Variants in MAVS observed in about 807,000 individuals in gnomAD.
The protein encoded by MAVS is mitochondrial antiviral-signaling protein.
MAVS carries 20 observed loss-of-function variants against 30.2 expected under a neutral mutation model. That is an observed-to-expected ratio of 0.66 (90% confidence interval 0.47 to 0.96). The LOEUF (loss-of-function observed/expected upper bound fraction) is 0.96. Ranked by LOEUF, MAVS falls within the 40% of genes least tolerant of loss-of-function variation. The probability of loss-of-function intolerance (pLI) is 0.00; values close to 1 mark genes in which losing one functional copy is unlikely to be tolerated. For synonymous variants in MAVS, 278 were observed against 293.9 expected (o/e 0.95, Z 0.55); for missense variants, 624 against 701.1 (o/e 0.89, Z 1.24).
At position 3,865,918 on chromosome 20, in the gene MAVS, C is replaced by T; in HGVS notation, c.1394C>T (p.Thr465Ile). 1 of 1,613,900 alleles carries T rather than the reference C, an allele frequency of 6.2e-7. No homozygotes were observed. The highest frequency in any genetic ancestry group is 8.5e-7 in the Non-Finnish European group (1 of 1,179,928). The change falls in exon 7 of 7, where the codon ACC becomes ATC. Residue 465 changes from threonine to isoleucine, a missense_variant. Coordinates refer to ENST00000428216, the MANE Select transcript of MAVS (RefSeq NM_020746.5). The surrounding 1 kb of genome is among the most constrained non-coding windows in gnomAD (Gnocchi z 4.7). ...PEENEYKSEGTFGIHVAENPS... is the reference protein window; with the variant it reads ...PEENEYKSEGIFGIHVAENPS... ...GAGAATGAGTATAAGTCCGAGGGCA[C>T]CTTTGGGATCCACGTGGCTGAGAAC...
At chr20:3,850,583 C>A (rs1264730267) in intron 1 of MAVS, among the ~76,000 whole-genome samples, 12 of 130,392 alleles carry the variant, frequency 9.2e-5, no homozygotes, top group African/African-American at 2.6e-4. Flanking sequence ...AGAGTGAACT[C>A]CATTTCAAAA....
Position 3,871,964 on chromosome 20 carries a change from T to C in MAVS, c.*5817T>C, listed in dbSNP as rs902873340. The C allele has an allele frequency of 6.6e-6, 1 of 152,304 alleles. No individual in the cohort carries two copies. Among genetic ancestry groups the C allele is most frequent in the African/African-American group, 2.4e-5 (1 of 41,430 alleles). The allele number at this position is 152,304 out of a possible 1,614,324, so 9.4% of individuals were successfully genotyped here. A position where few individuals can be genotyped will look rare whatever the true frequency, so the allele number is the denominator to read the frequency against. ...CATATATTAAGTCATTTAATCCTCATAATGACCCTATGAAAGAGATACCAT... is the reference window on the plus strand; with the variant it reads ...CATATATTAAGTCATTTAATCCTCACAATGACCCTATGAAAGAGATACCAT... On this transcript the variant is annotated 3_prime_UTR_variant, in exon 7 of 7. Coordinates refer to ENST00000428216, the MANE Select transcript of MAVS (RefSeq NM_020746.5).
Position 3,863,544 on chromosome 20 carries a change from G to T in MAVS, c.626-712G>T, listed in dbSNP as rs552470672. Among the ~76,000 whole-genome samples the T allele has an allele frequency of 2.0e-5, 3 of 152,288 alleles. No individual in the cohort carries two copies. In the East Asian group the frequency reaches 5.8e-4, roughly 29 times the overall value. ...AGGTTTCAGTACGTTTGTAGACACAGGTCCCATGAGATTCTGTGGTATTAG... is the reference window on the plus strand; with the variant it reads ...AGGTTTCAGTACGTTTGTAGACACATGTCCCATGAGATTCTGTGGTATTAG... On this transcript the variant is annotated intron_variant, in intron 5 of 6. Coordinates refer to ENST00000428216, the MANE Select transcript of MAVS (RefSeq NM_020746.5).
Position 3,853,225 on chromosome 20 carries a change from G to T in MAVS, c.-67-1333G>T, listed in dbSNP as rs547579413. On this transcript the variant is annotated intron_variant, in intron 1 of 6. Coordinates refer to ENST00000428216, the MANE Select transcript of MAVS (RefSeq NM_020746.5). ...ATGGCGGCCGGGCGCGGTGGCTCACGCCTGTAATCCCAGCACTTTGGGAGG... is the reference window on the plus strand; with the variant it reads ...ATGGCGGCCGGGCGCGGTGGCTCACTCCTGTAATCCCAGCACTTTGGGAGG... Among the ~76,000 whole-genome samples, 25 of 149,174 alleles carry T rather than the reference G, an allele frequency of 1.7e-4. No individual in the cohort carries two copies. In the East Asian group the frequency reaches 4.7e-3, roughly 28 times the overall value.
rs2089893240 is a variant in MAVS, at chr20:3,864,724, C to G, written c.1094C>G (p.Thr365Ser). The stretch of plus-strand genomic sequence containing the variant: ...GGCATGGTGCCATCCAAAGTGCCTA[C>G]TAGCATGGTGCTCACCAAGGTGTCT... ...RAGMVPSKVP[T>S]SMVLTKVSAS... The change falls in exon 6 of 7, where the codon ACT becomes AGT. Residue 365 changes from threonine (T) to serine (S), a missense_variant. Transcript: ENST00000428216. 6.2e-7 allele frequency: 1 copy of G among 1,614,270 alleles called. No homozygotes were observed. Among genetic ancestry groups the G allele is most frequent in the Admixed American group, 1.7e-5 (1 of 60,034 alleles).
intron 1 of MAVS, among the ~76,000 whole-genome samples, chr20:3,849,077 C>T (rs1209410002): frequency 1.3e-5 from 2 of 152,154 alleles, no homozygotes; most frequent in African/African-American, 4.8e-5. Flanking sequence ...CTTTCCCTGC[C>T]GGAACCTTCC....
intron 3 of MAVS, chr20:3,858,017 G>C (rs887413280): frequency 3.2e-6 from 2 of 615,562 alleles, no homozygotes; most frequent in Non-Finnish European, 2.9e-6. Context: ...TGAGCCTCAG[G>C]CCTCTCTTCT....
chr20:3,854,524 A>T, intron 1 of MAVS, 34 bp from the exon 2 acceptor site: 1 of 718,902 alleles, frequency 1.4e-6, no homozygotes, highest in South Asian at 1.9e-5. Context: ...CAACCCCCCA[A>T]CCCTGTTGTA....
At chr20:3,856,989 T>C (rs2089816843) in intron 2 of MAVS, among the ~76,000 whole-genome samples, 1 of 145,480 alleles carries the variant, frequency 6.9e-6, no homozygotes, top group African/African-American at 2.6e-5. Context: ...TAAGCTGATA[T>C]CACGGCACTG....
rs908628783 is a variant in MAVS at position 3,874,412 on chromosome 20, C to T, written c.*8265C>T. The T allele has an allele frequency of 7.6e-6, 3 of 393,714 alleles. No individual in the cohort carries two copies. The highest frequency in any genetic ancestry group is 4.1e-5 in the African/African-American group (2 of 48,528). The allele number at this position is 393,714 out of a possible 1,614,324, so 24.4% of individuals were successfully genotyped here. Reference sequence around the variant, plus strand: ...ACCACCTAAACAAGAGCAGAGAGGCCATTTGGTCAAAGTTTGCAAAGGAGT... The same window carrying T: ...ACCACCTAAACAAGAGCAGAGAGGCTATTTGGTCAAAGTTTGCAAAGGAGT... On this transcript the variant is annotated 3_prime_UTR_variant, in exon 7 of 7. Coordinates refer to ENST00000428216, the MANE Select transcript of MAVS (RefSeq NM_020746.5).
At position 3,867,031 on chromosome 20, in the gene MAVS, A is replaced by T; in HGVS notation, c.*884A>T. On this transcript the variant is annotated 3_prime_UTR_variant, in exon 7 of 7. Coordinates refer to ENST00000428216, the MANE Select transcript of MAVS (RefSeq NM_020746.5). ...CTTCACTGGGTTCTTCTGAGATTGA[A>T]CCTACAGGTGTTTGCCAAGTGCCTG... 1 of 456,580 alleles carries T rather than the reference A, an allele frequency of 2.2e-6. No homozygotes were observed. Among genetic ancestry groups the T allele is most frequent in the Non-Finnish European group, 4.4e-6 (1 of 226,940 alleles). The allele number at this position is 456,580 out of a possible 1,614,324, so 28.3% of individuals were successfully genotyped here.
rs2089988107 is a variant in MAVS at position 3,875,936 on chromosome 20, C to T, written c.*9789C>T. The T allele has an allele frequency of 1.3e-5, 2 of 152,334 alleles. No homozygotes were observed. Among genetic ancestry groups the T allele is most frequent in the African/African-American group, 4.8e-5 (2 of 41,456 alleles). 9.4% of individuals were successfully genotyped at this position (152,334 alleles called of 1,614,324 possible). ...AGAAAGAAAAACCCTTTCATTATCA[C>T]ATACAGCTGGAAATCGGCTTCTTGC... is the stretch of plus-strand genomic sequence containing the variant. On this transcript the variant is annotated 3_prime_UTR_variant, in exon 7 of 7. Transcript: ENST00000428216.
Position 3,861,411 on chromosome 20 carries a change from G to A in MAVS, c.372G>A (p.Ala124=), listed in dbSNP as rs571225647. 42 of 1,613,982 alleles carry A rather than the reference G, an allele frequency of 2.6e-5. No homozygotes were observed. The highest frequency in any genetic ancestry group is 1.3e-4 in the Admixed American group (8 of 59,986). ...GGCCAGGGCCCCCCACACCTGCTGCGGCCCACAGCATCCCCTACAACAGCT... is the reference window on the plus strand; with the variant it reads ...GGCCAGGGCCCCCCACACCTGCTGCAGCCCACAGCATCCCCTACAACAGCT... The part of the protein sequence containing the change: ...AERPGPPTPA[A]AHSIPYNSCR... Residue 124 remains alanine, a synonymous_variant, in exon 4 of 7, where the codon GCG becomes GCA. Coordinates refer to ENST00000428216, the MANE Select transcript of MAVS (RefSeq NM_020746.5).
At chr20:3,858,664 C>CAA (rs1286736257) in intron 3 of MAVS, among the ~76,000 whole-genome samples, 11,727 of 64,436 alleles carry the variant, frequency 0.18, 755 homozygotes, top group Admixed American at 0.27. Context: ...GATTCCATCT[C>CAA]AAAAAAAAAA....
intron 3 of MAVS, among the ~76,000 whole-genome samples, chr20:3,860,063 C>T (rs560705052): frequency 9.2e-5 from 14 of 152,208 alleles, no homozygotes; most frequent in East Asian, 1.9e-4. Context: ...GTGATCCACC[C>T]GCCTCGGCCT....
intron 5 of MAVS, 74 bp from the exon 6 acceptor site, chr20:3,864,182 A>T (rs1194546511): frequency 1.3e-6 from 2 of 1,488,262 alleles, no homozygotes; most frequent in African/African-American, 2.8e-5. Flanking sequence ...GATCTGGGCC[A>T]GAGGGACCCT....
At chr20:3,859,536 C>G (rs1340372067) in intron 3 of MAVS, among the ~76,000 whole-genome samples, 4 of 149,436 alleles carry the variant, frequency 2.7e-5, no homozygotes, top group Admixed American at 2.7e-4. Flanking sequence ...AAATAGTGAT[C>G]CCCTGAATAC....
At position 3,871,654 on chromosome 20, in the gene MAVS, C is replaced by T. The variant is rs567933629; in HGVS notation, c.*5507C>T. 6.6e-6 allele frequency: 1 copy of T among 152,510 alleles called. No individual in the cohort carries two copies. The highest frequency in any genetic ancestry group is 2.1e-4 in the South Asian group (1 of 4,828). 9.4% of individuals were successfully genotyped at this position (152,510 alleles called of 1,614,324 possible). The stretch of plus-strand genomic sequence containing the variant: ...GGAGTCCTTCAGGCCTTGAGTCCCA[C>T]ATTTTCCATGATGCTCCATTAAGCA... On this transcript the variant is annotated 3_prime_UTR_variant, in exon 7 of 7. Transcript: ENST00000428216.
rs73572386 is a variant in MAVS at position 3,869,089 on chromosome 20, C to T, written c.*2942C>T. On this transcript the variant is annotated 3_prime_UTR_variant, in exon 7 of 7. Coordinates refer to ENST00000428216, the MANE Select transcript of MAVS (RefSeq NM_020746.5). ...ATAACTCACTGTATCCTTAAACTCC[C>T]GGGCTTAAGCGATCCTCCTGCCTCA... 0.29 allele frequency: 44,773 copies of T among 151,906 alleles called. 7,615 individuals carry two copies. The highest frequency in any genetic ancestry group is 0.48 in the African/African-American group (19,774 of 41,372). 9.4% of individuals were successfully genotyped at this position (151,906 alleles called of 1,614,324 possible).
Sources: allele counts gnomAD v4.1 joint callset (sites outside exome capture counted in the v4.1 genomes callset), GRCh38; gene constraint gnomAD v4.1.1; non-coding constraint Gnocchi (gnomAD v3.1); transcripts MANE v1.5; gene names NCBI Gene and HGNC (gene_info 2026-07-23, HGNC 2026-07-21).